The following PPP3CA variants were observed in gnomAD, a reference collection of about 807,000 sequenced individuals.
PPP3CA encodes the protein protein phosphatase 3 catalytic subunit alpha, also known as CAM-PRP catalytic subunit.
A neutral mutation model predicts 66.5 loss-of-function variants in PPP3CA; 14 were observed. The ratio of observed to expected loss-of-function variants is 0.21; its 90% CI spans 0.14 to 0.33. The LOEUF (loss-of-function observed/expected upper bound fraction) is 0.33. Among genes scored for constraint, PPP3CA ranks in the 10% least tolerant of loss-of-function variants. The pLI is 1.00. For missense variants in PPP3CA, 317 were observed against 639.5 expected, an observed-to-expected ratio of 0.50 and a Z score of 5.44; for synonymous variants, 232 against 226.2, an observed-to-expected ratio of 1.03 and a Z score of -0.23.
At chr4:101,056,222 G>T (rs981930357) in intron 10 of PPP3CA, among the ~76,000 whole-genome samples, 1 of 152,078 alleles carries the variant, frequency 6.6e-6, no homozygotes, top group Non-Finnish European at 1.5e-5. Flanking sequence ...TATATCAATA[G>T]GCTGTTTTGA....
At chr4:101,178,415 A>C (rs1302645895) in intron 2 of PPP3CA, among the ~76,000 whole-genome samples, 1 of 152,124 alleles carries the variant, frequency 6.6e-6, no homozygotes, top group Non-Finnish European at 1.5e-5. Context: ...CTGCTCCAAA[A>C]AAGACTTACC....
At chr4:101,161,156 G>A (rs1265869478) in intron 2 of PPP3CA, among the ~76,000 whole-genome samples, 7 of 152,066 alleles carry the variant, frequency 4.6e-5, no homozygotes, top group Non-Finnish European at 7.3e-5. Context: ...TTGTAGCCGA[G>A]AAGCAATAGG....
intron 6 of PPP3CA, among the ~76,000 whole-genome samples, chr4:101,085,354 G>C (rs1355347113): frequency 1.3e-5 from 2 of 152,014 alleles, no homozygotes; most frequent in African/African-American, 4.8e-5. Context: ...TGCCCTTTTG[G>C]AACAACTTAC....
At chr4:101,346,150 C>T (rs948787722) in intron 1 of PPP3CA, among the ~76,000 whole-genome samples, 1 of 151,686 alleles carries the variant, frequency 6.6e-6, no homozygotes, top group African/African-American at 2.4e-5. Context: ...CCCACGCTCT[C>T]CCGCTCTCTC....
intron 2 of PPP3CA, among the ~76,000 whole-genome samples, chr4:101,156,456 A>C (rs1402116505): frequency 6.6e-6 from 1 of 152,188 alleles, no homozygotes; most frequent in Non-Finnish European, 1.5e-5. Flanking sequence ...TGAGGCCGGC[A>C]GATCACCTGA....
At chr4:101,315,148 A>G (rs1728846830) in intron 1 of PPP3CA, among the ~76,000 whole-genome samples, 1 of 152,138 alleles carries the variant, frequency 6.6e-6, no homozygotes, top group African/African-American at 2.4e-5. Context: ...CGTCTTTAAA[A>G]AAGAGGCCCA....
In PPP3CA at chr4:101,190,645, T is replaced by C. The variant is rs545151933; in HGVS notation, c.259+5271A>G. On this transcript the variant is annotated intron_variant, in intron 2 of 13. Transcript: ENST00000394854. ...TTGAGCCCCTGGCTTACATTTTTTG[T>C]TTGATACACTGTTCCAGTAGCAACT... 3.9e-5 allele frequency among the ~76,000 whole-genome samples: 6 copies of C among 152,292 alleles called. No homozygotes were observed. In the South Asian group the frequency reaches 1.2e-3, roughly 32 times the overall value.
At chr4:101,054,485 C>A (rs926091843) in intron 10 of PPP3CA, among the ~76,000 whole-genome samples, 1 of 151,978 alleles carries the variant, frequency 6.6e-6, no homozygotes, top group African/African-American at 2.4e-5. Flanking sequence ...GTGCCAAACG[C>A]TTTTTGCTAG....
chr4:101,262,419 A>G (rs1727038286), intron 1 of PPP3CA, among the ~76,000 whole-genome samples: 1 of 152,140 alleles, frequency 6.6e-6, no homozygotes. Context: ...TTTAATTTGT[A>G]TTTATTTTTT....
chr4:101,058,271 A>G (rs1181264263), intron 10 of PPP3CA, among the ~76,000 whole-genome samples: 3 of 152,174 alleles, frequency 2.0e-5, no homozygotes, highest in Non-Finnish European at 2.9e-5. Flanking sequence ...AAAATTTTGA[A>G]AACACAAATC....
intron 2 of PPP3CA, among the ~76,000 whole-genome samples, chr4:101,117,056 C>T (rs1477919458): frequency 2.0e-5 from 3 of 151,600 alleles, no homozygotes; most frequent in Non-Finnish European, 3.0e-5. Context: ...AGCACCAGTA[C>T]AGATTAATAG....
intron 2 of PPP3CA, among the ~76,000 whole-genome samples, chr4:101,172,245 A>T (rs1723907837): frequency 6.6e-6 from 1 of 152,174 alleles, no homozygotes; most frequent in Non-Finnish European, 1.5e-5. Flanking sequence ...ACCTGAGCAT[A>T]GAACCAGAGA....
rs535921763 is a variant in PPP3CA, at chr4:101,099,727, G to C, written c.385-5C>G. On this transcript the variant is annotated splice_region_variant and splice_polypyrimidine_tract_variant and intron_variant, in intron 3 of 13. Transcript: ENST00000394854. ...GGCCCACAAATACAGCACACACTGA[G>C]AAAAATAAAAATAATATAAAAATAA... The C allele has an allele frequency of 1.4e-6, 2 of 1,408,844 alleles. No individual in the cohort carries two copies. The highest frequency in any genetic ancestry group is 1.9e-6 in the Non-Finnish European group (2 of 1,049,540). The allele number at this position is 1,408,844 out of a possible 1,614,324, so 87.3% of individuals were successfully genotyped here. A position where few individuals can be genotyped will look rare whatever the true frequency, so the allele number is the denominator to read the frequency against.
chr4:101,050,488 T>C (rs1393518814), intron 10 of PPP3CA, among the ~76,000 whole-genome samples: 1 of 152,178 alleles, frequency 6.6e-6, no homozygotes, highest in Non-Finnish European at 1.5e-5. Flanking sequence ...TAAGTCTCTT[T>C]AAGGCTCACT....
intron 2 of PPP3CA, among the ~76,000 whole-genome samples, chr4:101,164,568 T>TTTG (rs993372090): frequency 1.9e-4 from 28 of 150,374 alleles, no homozygotes; most frequent in Non-Finnish European, 3.5e-4. Flanking sequence ...TTAAGTTTTT[T>TTTG]TTTTTTTTTA....
chr4:101,090,420 C>T (rs1473272812), intron 6 of PPP3CA, among the ~76,000 whole-genome samples: 1 of 151,954 alleles, frequency 6.6e-6, no homozygotes, highest in African/African-American at 2.4e-5. Flanking sequence ...GGATGGATCA[C>T]CTGAGGTCAG....
chr4:101,242,103 T>C (rs1437112082), intron 1 of PPP3CA, among the ~76,000 whole-genome samples: 3 of 152,144 alleles, frequency 2.0e-5, no homozygotes, highest in African/African-American at 4.8e-5. Flanking sequence ...GAGCATCTTG[T>C]TTTGTGTAGA....
At chr4:101,328,942 C>T (rs1729287624) in intron 1 of PPP3CA, among the ~76,000 whole-genome samples, 1 of 152,016 alleles carries the variant, frequency 6.6e-6, no homozygotes, top group Admixed American at 6.6e-5. Flanking sequence ...TTGGGCCTCC[C>T]TACTCCCTGA....
At chr4:101,232,941 T>C (rs1726009308) in intron 1 of PPP3CA, among the ~76,000 whole-genome samples, 1 of 151,758 alleles carries the variant, frequency 6.6e-6, no homozygotes, top group Non-Finnish European at 1.5e-5. Context: ...CTAGTATTTA[T>C]TAAAATAACT....
Sources: allele counts gnomAD v4.1 joint callset (sites outside exome capture counted in the v4.1 genomes callset), GRCh38; gene constraint gnomAD v4.1.1; transcripts MANE v1.5; gene names NCBI Gene and HGNC (gene_info 2026-07-23, HGNC 2026-07-21).